The following NIBAN2 variants were observed in gnomAD, a reference collection of about 807,000 sequenced individuals.
NIBAN2 encodes niban apoptosis regulator 2.
Under a neutral mutation model 81.8 loss-of-function variants are expected in NIBAN2, and 36 were observed. The ratio of observed to expected loss-of-function variants is 0.44; its 90% CI spans 0.34 to 0.58. The LOEUF (loss-of-function observed/expected upper bound fraction) is 0.58, where lower values mean the gene tolerates loss of function less well. NIBAN2 is among the 20% of genes least tolerant of loss of function. NIBAN2 has a pLI of 0.02. For synonymous variants in NIBAN2, 445 were observed against 441.6 expected, an observed-to-expected ratio of 1.01 and a Z score of -0.10; for missense variants, 897 against 1,014.1, an observed-to-expected ratio of 0.88 and a Z score of 1.57.
At chr9:127,526,280 G>T (rs1356150582) in intron 3 of NIBAN2, among the ~76,000 whole-genome samples, 1 of 151,566 alleles carries the variant, frequency 6.6e-6, no homozygotes, top group East Asian at 1.9e-4. Context: ...CACGCCTGTA[G>T]TCCCAGCTAC....
chr9:127,517,676 C>G lies in NIBAN2; in HGVS notation c.705+150G>C, dbSNP rs1836859660. The G allele has an allele frequency of 1.1e-5, 7 of 645,106 alleles. No individual in the cohort carries two copies. Among genetic ancestry groups the G allele is most frequent in the Admixed American group, 2.5e-5 (1 of 39,888 alleles). The allele number at this position is 645,106 out of a possible 1,614,324, so 40.0% of individuals were successfully genotyped here. A position where few individuals can be genotyped will look rare whatever the true frequency, so the allele number is the denominator to read the frequency against. The stretch of plus-strand genomic sequence containing the variant: ...AAGACAGCGAGTATCTCCACGTGCA[C>G]TGGCCCTGCACTTGTCCAAATCTAA... On this transcript the variant is annotated intron_variant, in intron 6 of 13. Transcript: ENST00000373312. This position sits in a 1 kb window ranked among gnomAD's most constrained non-coding sequence, Gnocchi z 4.0.
In NIBAN2 at chr9:127,508,231, A is replaced by C. The variant is rs911516273; in HGVS notation, c.1435-31T>G. On this transcript the variant is annotated intron_variant, in intron 11 of 13. Transcript: ENST00000373312. The surrounding 1 kb of genome is among the most constrained non-coding windows in gnomAD (Gnocchi z 6.4). ...GGGAACAAGGGGGTCGGGGGTCTGC[A>C]GGTCAGTGGGCTCCATTGGCCCTGA... 11 of 1,569,722 alleles carry C rather than the reference A, an allele frequency of 7.0e-6. No individual in the cohort carries two copies. Among genetic ancestry groups the C allele is most frequent in the African/African-American group, 1.4e-5 (1 of 74,064 alleles).
In NIBAN2 at chr9:127,556,197, C is replaced by T. The variant is rs76295919; in HGVS notation, c.55+12623G>A. Among the ~76,000 whole-genome samples the T allele has an allele frequency of 5.6e-3, 846 of 152,294 alleles. 14 individuals carry two copies. The East Asian group carries it at 0.064, about 12-fold the overall frequency. On this transcript the variant is annotated intron_variant, in intron 1 of 13. Coordinates refer to ENST00000373312, the MANE Select transcript of NIBAN2 (RefSeq NM_022833.4). ...GGCTCAAAGCCAGTGAGTCACGCTTCGAGGAATACAGGCAGGAGGAAGGAA... is the reference window on the plus strand; with the variant it reads ...GGCTCAAAGCCAGTGAGTCACGCTTTGAGGAATACAGGCAGGAGGAAGGAA...
Position 127,508,014 on chromosome 9 carries a change from G to A in NIBAN2, c.1543-36C>T. ...GGGGCGGCAGAGATGAGAGGTCAGGGCCAAGGGTAGAGGGAGGCCTGTGGG... is the reference window on the plus strand; with the variant it reads ...GGGGCGGCAGAGATGAGAGGTCAGGACCAAGGGTAGAGGGAGGCCTGTGGG... On this transcript the variant is annotated intron_variant, in intron 12 of 13. Transcript: ENST00000373312. This position sits in a 1 kb window ranked among gnomAD's most constrained non-coding sequence, Gnocchi z 6.4. 1 of 1,612,276 alleles carries A rather than the reference G, an allele frequency of 6.2e-7. No individual in the cohort carries two copies. Among genetic ancestry groups the A allele is most frequent in the Non-Finnish European group, 8.5e-7 (1 of 1,178,416 alleles).
Position 127,568,987 on chromosome 9 carries a change from GC to G in NIBAN2, c.-114del, listed in dbSNP as rs1837908935. ...GGCCCGCCCTGCTTCCCCCGCTCCC[GC>G]CGCTCCCGCCGCTCCCGCCGCCCGG... On this transcript the variant is annotated 5_prime_UTR_variant, in exon 1 of 14. Coordinates refer to ENST00000373312, the MANE Select transcript of NIBAN2 (RefSeq NM_022833.4). 1.0e-5 allele frequency: 1 copy of G among 95,776 alleles called. No individual in the cohort carries two copies. 5.9% of individuals were successfully genotyped at this position (95,776 alleles called of 1,614,324 possible). A position where few individuals can be genotyped will look rare whatever the true frequency, so the allele number is the denominator to read the frequency against.
intron 8 of NIBAN2, among the ~76,000 whole-genome samples, chr9:127,514,261 C>T (rs1836784418): frequency 8.1e-6 from 1 of 123,858 alleles, no homozygotes. Flanking sequence ...AAGAGTGAGA[C>T]TCTGTGTCCA....
intron 4 of NIBAN2, chr9:127,524,821 G>A (rs527877286): frequency 9.2e-6 from 4 of 433,762 alleles, no homozygotes; most frequent in African/African-American, 6.0e-5. Context: ...AACTCCTGAC[G>A]AACACAGTGC....
chr9:127,507,512 C>T lies in NIBAN2; in HGVS notation c.1655-81G>A, dbSNP rs999167607. The stretch of plus-strand genomic sequence containing the variant: ...GTGCTGGACTCTGCTCAAAGAAGAC[C>T]CGTCTCATCCCGCCTTGGGGGTCTG... On this transcript the variant is annotated intron_variant, in intron 13 of 13. Coordinates refer to ENST00000373312, the MANE Select transcript of NIBAN2 (RefSeq NM_022833.4). This position sits in a 1 kb window ranked among gnomAD's most constrained non-coding sequence, Gnocchi z 6.8. 1 of 1,191,510 alleles carries T rather than the reference C, an allele frequency of 8.4e-7. No homozygotes were observed. Among genetic ancestry groups the T allele is most frequent in the Non-Finnish European group, 1.2e-6 (1 of 867,868 alleles). The allele number at this position is 1,191,510 out of a possible 1,614,324, so 73.8% of individuals were successfully genotyped here.
At chr9:127,547,795 C>A (rs10760489) in intron 1 of NIBAN2, among the ~76,000 whole-genome samples, 33,969 of 151,992 alleles carry the variant, frequency 0.22, 4,326 homozygotes, top group East Asian at 0.55. Flanking sequence ...AGAGATCGCA[C>A]CATTGCACTC....
rs2132243803 is a variant in NIBAN2, at chr9:127,568,983, TCCCGCC to T, written c.-115_-110del. ...GCCCGGCCCGCCCTGCTTCCCCCGC[TCCCGCC>T]GCTCCCGCCGCTCCCGCCGCCCGGC... On this transcript the variant is annotated 5_prime_UTR_variant, in exon 1 of 14. Coordinates refer to ENST00000373312, the MANE Select transcript of NIBAN2 (RefSeq NM_022833.4). 4 of 93,310 alleles carry T rather than the reference TCCCGCC, an allele frequency of 4.3e-5. No individual in the cohort carries two copies. The highest frequency in any genetic ancestry group is 5.1e-5 in the Non-Finnish European group (4 of 78,028). The allele number at this position is 93,310 out of a possible 1,614,324, so 5.8% of individuals were successfully genotyped here.
In NIBAN2 at chr9:127,508,352, G is replaced by T; in HGVS notation, c.1434+70C>A. On this transcript the variant is annotated intron_variant, in intron 11 of 13. Coordinates refer to ENST00000373312, the MANE Select transcript of NIBAN2 (RefSeq NM_022833.4). The surrounding 1 kb of genome is among the most constrained non-coding windows in gnomAD (Gnocchi z 6.4). The stretch of plus-strand genomic sequence containing the variant: ...CCTTGCAGGGACAGCAATCCTGGTG[G>T]TGGCCGGGGATGAGGCTCGGGGCTC... 1 of 1,428,484 alleles carries T rather than the reference G, an allele frequency of 7.0e-7. No individual in the cohort carries two copies. 88.5% of individuals were successfully genotyped at this position (1,428,484 alleles called of 1,614,324 possible).
At chr9:127,558,440 C>T (rs1026071836) in intron 1 of NIBAN2, among the ~76,000 whole-genome samples, 1 of 152,194 alleles carries the variant, frequency 6.6e-6, no homozygotes, top group Admixed American at 6.5e-5. Context: ...CATGTCCCAT[C>T]ATCTTCCTGG....
Position 127,507,328 on chromosome 9 carries a change from G to A in NIBAN2, c.1758C>T (p.Pro586=), listed in dbSNP as rs1836627077. 6.4e-7 allele frequency: 1 copy of A among 1,564,110 alleles called. No individual in the cohort carries two copies. Among genetic ancestry groups the A allele is most frequent in the East Asian group, 2.3e-5 (1 of 44,146 alleles). ...TGCTGTACTCCTCGCCCCAGTCGAT[G>A]GGGGCGCCCTCGGCCAGCAGGTGCA... ...PNLHLLAEGA[P]IDWGEEYSNS... is the part of the protein sequence containing the mutation. The change falls in exon 14 of 14, where the codon CCC becomes CCT. Residue 586 remains proline (P), a synonymous_variant. Coordinates refer to ENST00000373312, the MANE Select transcript of NIBAN2 (RefSeq NM_022833.4). The surrounding 1 kb of genome is among the most constrained non-coding windows in gnomAD (Gnocchi z 6.8).
intron 2 of NIBAN2, among the ~76,000 whole-genome samples, chr9:127,531,362 T>G (rs1342241766): frequency 2.0e-5 from 3 of 152,102 alleles, no homozygotes; most frequent in African/African-American, 7.2e-5. Context: ...TGCACGCCTG[T>G]GGTCCCAGCT....
At position 127,517,773 on chromosome 9, in the gene NIBAN2, G is replaced by C. The variant is rs1836861308; in HGVS notation, c.705+53C>G. On this transcript the variant is annotated intron_variant, in intron 6 of 13. Transcript: ENST00000373312. This position sits in a 1 kb window ranked among gnomAD's most constrained non-coding sequence, Gnocchi z 4.0. ...TGTACCCCACCCCCTGCCCTCCCCTGCTGGGTCCTTGGGTGACTTCTGAGG... is the reference window on the plus strand; with the variant it reads ...TGTACCCCACCCCCTGCCCTCCCCTCCTGGGTCCTTGGGTGACTTCTGAGG... 1 of 1,393,666 alleles carries C rather than the reference G, an allele frequency of 7.2e-7. No homozygotes were observed. The highest frequency in any genetic ancestry group is 1.4e-5 in the African/African-American group (1 of 70,358). The allele number at this position is 1,393,666 out of a possible 1,614,324, so 86.3% of individuals were successfully genotyped here.
At chr9:127,509,817 C>CTCTCCCT (rs1199369015) in intron 9 of NIBAN2, 4 of 148,462 alleles carry the variant, frequency 2.7e-5, no homozygotes, top group Non-Finnish European at 5.6e-5. Context: ...CCCTCCTTCC[C>CTCTCCCT]TCCTCTCCTT....
chr9:127,516,234 T>A (rs1836827402), intron 8 of NIBAN2, among the ~76,000 whole-genome samples: 1 of 152,142 alleles, frequency 6.6e-6, no homozygotes, highest in Admixed American at 6.6e-5. Flanking sequence ...GGTGAAAGGA[T>A]CCCATCTGGC....
At chr9:127,553,168 C>T (rs1463645397) in intron 1 of NIBAN2, among the ~76,000 whole-genome samples, 1 of 152,172 alleles carries the variant, frequency 6.6e-6, no homozygotes, top group East Asian at 1.9e-4. Flanking sequence ...TCTTTGACCA[C>T]TAGCTATTGC....
At chr9:127,544,341 A>T (rs1207211609) in intron 1 of NIBAN2, among the ~76,000 whole-genome samples, 1 of 152,130 alleles carries the variant, frequency 6.6e-6, no homozygotes, top group Non-Finnish European at 1.5e-5. Context: ...TATCTGTAAA[A>T]TGGGTATAAT....
Sources: allele counts gnomAD v4.1 joint callset (sites outside exome capture counted in the v4.1 genomes callset), GRCh38; gene constraint gnomAD v4.1.1; non-coding constraint Gnocchi (gnomAD v3.1); transcripts MANE v1.5; gene names NCBI Gene and HGNC (gene_info 2026-07-23, HGNC 2026-07-21).